SYT16: variants seen among roughly 807,000 people sequenced by gnomAD.
The protein encoded by SYT16 is synaptotagmin 16.
Under a neutral mutation model 61.4 loss-of-function variants are expected in SYT16, and 42 were observed. The ratio of observed to expected loss-of-function variants is 0.68; its 90% CI spans 0.53 to 0.89. The LOEUF (loss-of-function observed/expected upper bound fraction) is 0.89. SYT16 is among the 40% of genes least tolerant of loss of function. SYT16 has a pLI of 0.00. For missense variants in SYT16, 804 were observed against 807.3 expected, an observed-to-expected ratio of 1.00 and a Z score of 0.05; for synonymous variants, 314 against 302.3, an observed-to-expected ratio of 1.04 and a Z score of -0.40.
intron 2 of SYT16, among the ~76,000 whole-genome samples, chr14:61,977,724 C>T (rs1356922865): frequency 6.6e-6 from 1 of 152,010 alleles, no homozygotes; most frequent in African/African-American, 2.4e-5. Context: ...CTAATCTTCC[C>T]AACTTAATCC....
intron 1 of SYT16, among the ~76,000 whole-genome samples, chr14:61,889,955 C>T (rs998930988): frequency 1.6e-4 from 24 of 151,888 alleles, no homozygotes; most frequent in Non-Finnish European, 3.2e-4. Context: ...CTCAGAGGGG[C>T]TGGATACAAG....
intron 1 of SYT16, among the ~76,000 whole-genome samples, chr14:61,964,904 T>A (rs1268281340): frequency 6.6e-6 from 1 of 152,086 alleles, no homozygotes; most frequent in Non-Finnish European, 1.5e-5. Context: ...TTAGCTTTTT[T>A]TTTTTTAGCA....
intron 3 of SYT16, among the ~76,000 whole-genome samples, chr14:62,053,867 G>T (rs901756543): frequency 6.6e-6 from 1 of 152,184 alleles, no homozygotes; most frequent in African/African-American, 2.4e-5. Context: ...TTTTTAGGTG[G>T]TTGAATGCCT....
intron 3 of SYT16, among the ~76,000 whole-genome samples, chr14:62,006,287 A>G (rs1229254892): frequency 3.3e-5 from 5 of 152,146 alleles, no homozygotes; most frequent in Admixed American, 6.6e-5. Context: ...GATGTAAGCC[A>G]TAGTACATGG....
intron 4 of SYT16, 132 bp downstream of exon 4, chr14:62,069,947 G>T (rs917836858): frequency 5.7e-6 from 6 of 1,058,806 alleles, no homozygotes; most frequent in Non-Finnish European, 6.8e-6. Context: ...GATGCATTAC[G>T]TGGAGCAAAG....
chr14:61,903,478 G>A lies in SYT16; in HGVS notation c.-324-66654G>A, dbSNP rs78569784. Among the ~76,000 whole-genome samples the A allele has an allele frequency of 6.6e-3, 1,010 of 152,218 alleles. 19 individuals are homozygous for A. The highest frequency in any genetic ancestry group is 0.023 in the African/African-American group (952 of 41,528). ...AGTAACTTGTGAAAGGAAAGAAGGC[G>A]GCTGTGTTTTTTAAATTAGGTTATG... On this transcript the variant is annotated intron_variant, in intron 1 of 7. Coordinates refer to ENST00000683842, the MANE Select transcript of SYT16 (RefSeq NM_001367656.1).
chr14:62,051,101 A>G (rs1410453265), intron 3 of SYT16, among the ~76,000 whole-genome samples: 1 of 152,096 alleles, frequency 6.6e-6, no homozygotes, highest in African/African-American at 2.4e-5. Context: ...GGCCTCCTTG[A>G]GCTGTGGTGG....
At chr14:62,063,087 T>C (rs1441580410) in intron 3 of SYT16, among the ~76,000 whole-genome samples, 1 of 152,194 alleles carries the variant, frequency 6.6e-6, no homozygotes. Context: ...GCAGTGTTGT[T>C]AGCTCCTACA....
intron 3 of SYT16, among the ~76,000 whole-genome samples, chr14:62,023,890 C>T (rs1181463030): frequency 1.3e-5 from 2 of 152,078 alleles, no homozygotes; most frequent in Non-Finnish European, 2.9e-5. Flanking sequence ...CTTTTTCAAA[C>T]ATGTGCTAGT....
chr14:61,875,041 A>G (rs901794827), intron 1 of SYT16, among the ~76,000 whole-genome samples: 1 of 152,226 alleles, frequency 6.6e-6, no homozygotes, highest in African/African-American at 2.4e-5. Context: ...GTTGTGGATC[A>G]GTAACCTGCC....
intron 3 of SYT16, among the ~76,000 whole-genome samples, chr14:62,025,996 A>G (rs1162599142): frequency 6.6e-6 from 1 of 152,156 alleles, no homozygotes; most frequent in African/African-American, 2.4e-5. Flanking sequence ...TTATTTGGTT[A>G]TGTGTGGTGA....
rs1211011315 is a variant in SYT16, at chr14:61,857,150, G to T, written c.-325+44340G>T. Among the ~76,000 whole-genome samples, 7 of 152,180 alleles carry T rather than the reference G, an allele frequency of 4.6e-5. No individual in the cohort carries two copies. In the East Asian group the frequency reaches 7.7e-4, roughly 17 times the overall value. ...TTGAGATGGTTGCTCCAGACTGTGG[G>T]GTCAGCTCCACTGAGACATCTAAGA... On this transcript the variant is annotated intron_variant, in intron 1 of 7. Transcript: ENST00000683842.
At chr14:61,859,399 TA>T (rs2046896747) in intron 1 of SYT16, among the ~76,000 whole-genome samples, 1 of 152,064 alleles carries the variant, frequency 6.6e-6, no homozygotes, top group South Asian at 2.1e-4. Flanking sequence ...GCGTGCTATG[TA>T]AACTTCACAT....
At chr14:61,906,783 G>GTCCATCCATCCATCCA (rs1479598472) in intron 1 of SYT16, among the ~76,000 whole-genome samples, 5 of 57,674 alleles carry the variant, frequency 8.7e-5, no homozygotes, top group African/African-American at 5.1e-4. Context: ...CCATCCGTCC[G>GTCCATCCATCCATCCA]TCCGTCCATC....
At chr14:61,900,832 G>C (rs2048487921) in intron 1 of SYT16, among the ~76,000 whole-genome samples, 1 of 152,188 alleles carries the variant, frequency 6.6e-6, no homozygotes, top group Non-Finnish European at 1.5e-5. Context: ...GGAAGGCAAG[G>C]CCTCTTGATT....
At chr14:62,020,907 A>G (rs1372747871) in intron 3 of SYT16, among the ~76,000 whole-genome samples, 1 of 152,192 alleles carries the variant, frequency 6.6e-6, no homozygotes, top group Non-Finnish European at 1.5e-5. Flanking sequence ...AAAGCTGTGA[A>G]GGTTCACACT....
chr14:62,021,198 C>T (rs1281593387), intron 3 of SYT16, among the ~76,000 whole-genome samples: 1 of 152,138 alleles, frequency 6.6e-6, no homozygotes, highest in Non-Finnish European at 1.5e-5. Context: ...ACAATCACTC[C>T]AGAAGGCAAG....
chr14:62,020,078 C>T (rs1413290302), intron 3 of SYT16, among the ~76,000 whole-genome samples: 1 of 152,096 alleles, frequency 6.6e-6, no homozygotes, highest in Admixed American at 6.6e-5. Flanking sequence ...TTATCTGGGT[C>T]ACTTCATAAA....
chr14:62,011,874 T>TACAC lies in SYT16; in HGVS notation c.523+15360_523+15363dup, dbSNP rs576570781. 3.5e-3 allele frequency among the ~76,000 whole-genome samples: 484 copies of TACAC among 136,492 alleles called. 2 individuals carry two copies. The highest frequency in any genetic ancestry group is 0.011 in the Middle Eastern group (3 of 270). 89.5% of individuals were successfully genotyped at this position (136,492 alleles called of 152,430 possible). A position where few individuals can be genotyped will look rare whatever the true frequency, so the allele number is the denominator to read the frequency against. On this transcript the variant is annotated intron_variant, in intron 3 of 7. Transcript: ENST00000683842. ...ACCACAAGTCAGGGAACACTATATATACACACACACACACACACACACACA... is the reference window on the plus strand; with the variant it reads ...ACCACAAGTCAGGGAACACTATATATACACACACACACACACACACACACACACA...
Sources: allele counts gnomAD v4.1 joint callset (sites outside exome capture counted in the v4.1 genomes callset), GRCh38; gene constraint gnomAD v4.1.1; transcripts MANE v1.5; gene names NCBI Gene and HGNC (gene_info 2026-07-23, HGNC 2026-07-21).